Variants in SACM1L observed in about 807,000 individuals in gnomAD.
SACM1L encodes SAC1 like phosphatidylinositide phosphatase, also known as phosphatidylinositol-3-phosphatase SAC1.
A neutral mutation model predicts 89.5 loss-of-function variants in SACM1L; 32 were observed. That is an observed-to-expected ratio of 0.36 (90% CI 0.27 to 0.48). SACM1L has a LOEUF of 0.48. Ranked by LOEUF, SACM1L falls within the 20% of genes least tolerant of loss-of-function variation. The pLI is 0.99. For missense variants in SACM1L, 543 were observed against 708.5 expected (o/e 0.77, Z 2.65); for synonymous variants, 213 against 232.8 (o/e 0.92, Z 0.77).
intron 1 of SACM1L, among the ~76,000 whole-genome samples, chr3:45,692,130 G>A (rs541299202): frequency 1.2e-4 from 19 of 152,046 alleles, no homozygotes; most frequent in Non-Finnish European, 2.2e-4. Context: ...TTTACATACT[G>A]GTCACATCCA....
intron 11 of SACM1L, among the ~76,000 whole-genome samples, chr3:45,728,035 A>G (rs905994049): frequency 6.6e-6 from 1 of 152,204 alleles, no homozygotes; most frequent in African/African-American, 2.4e-5. Flanking sequence ...TCAATAAACA[A>G]TGTTCTTTTT....
intron 18 of SACM1L, 73 bp downstream of exon 18, chr3:45,738,946 AT>A (rs1361056938): frequency 1.1e-6 from 1 of 887,718 alleles, no homozygotes; most frequent in Non-Finnish European, 1.8e-6. Flanking sequence ...TTCAGTCTCA[AT>A]TTAAAACGTT....
chr3:45,713,302 C>A, intron 6 of SACM1L, 106 bp downstream of exon 6: 2 of 853,156 alleles, frequency 2.3e-6, no homozygotes, highest in Middle Eastern at 2.5e-4. Context: ...AGAAACAATT[C>A]TAATTTAACT....
intron 5 of SACM1L, among the ~76,000 whole-genome samples, chr3:45,712,217 T>A (rs1230770396): frequency 6.6e-6 from 1 of 152,136 alleles, no homozygotes; most frequent in African/African-American, 2.4e-5. Flanking sequence ...TAGAATTGAT[T>A]AATCTACTGA....
chr3:45,737,092 A>G (rs560972853), intron 14 of SACM1L, among the ~76,000 whole-genome samples: 17 of 152,230 alleles, frequency 1.1e-4, no homozygotes, highest in South Asian at 2.1e-4. Context: ...GGGATATTCT[A>G]TGTCTGTGTG....
At chr3:45,710,755 A>G (rs1698507873) in intron 5 of SACM1L, among the ~76,000 whole-genome samples, 1 of 152,140 alleles carries the variant, frequency 6.6e-6, no homozygotes, top group Non-Finnish European at 1.5e-5. Context: ...ATGTGGTTCA[A>G]CCTAAATTAA....
chr3:45,741,756 TAAA>T (rs1216001114), intron 19 of SACM1L, among the ~76,000 whole-genome samples: 1 of 152,220 alleles, frequency 6.6e-6, no homozygotes, highest in Non-Finnish European at 1.5e-5. Context: ...AGCCAGGTAG[TAAA>T]TATTTTTGTC....
intron 1 of SACM1L, among the ~76,000 whole-genome samples, chr3:45,694,689 G>A (rs548676415): frequency 2.0e-5 from 3 of 152,124 alleles, no homozygotes; most frequent in Non-Finnish European, 2.9e-5. Flanking sequence ...GATGAGCGGT[G>A]GAAATCTGCA....
intron 8 of SACM1L, among the ~76,000 whole-genome samples, chr3:45,720,073 G>A (rs1034469574): frequency 6.6e-6 from 1 of 152,024 alleles, no homozygotes; most frequent in African/African-American, 2.4e-5. Flanking sequence ...CTGTATTAAA[G>A]CTTACTGTCA....
intron 16 of SACM1L, among the ~76,000 whole-genome samples, chr3:45,738,344 T>C (rs1699246550): frequency 6.6e-6 from 1 of 152,240 alleles, no homozygotes; most frequent in Non-Finnish European, 1.5e-5. Context: ...ATATTTCTTG[T>C]CTTTGCAACT....
chr3:45,698,052 A>C (rs776958648), intron 1 of SACM1L, among the ~76,000 whole-genome samples: 1 of 152,210 alleles, frequency 6.6e-6, no homozygotes, highest in Non-Finnish European at 1.5e-5. Context: ...ATACCACTGA[A>C]TGTTTACTTA....
Position 45,737,538 on chromosome 3 carries a change from C to A in SACM1L, c.1240-45C>A, listed in dbSNP as rs1699227652. ...GCTTTTTCTTCCTAAACCATGTCTG[C>A]TAAAATCTATTACACATAAATCTGG... On this transcript the variant is annotated intron_variant, in intron 14 of 19. Transcript: ENST00000389061. 3 of 1,552,744 alleles carry A rather than the reference C, an allele frequency of 1.9e-6. No individual in the cohort carries two copies. The East Asian group carries it at 6.7e-5, about 35-fold the overall frequency.
intron 4 of SACM1L, among the ~76,000 whole-genome samples, chr3:45,708,732 A>G (rs149820965): frequency 2.1e-4 from 32 of 152,276 alleles, no homozygotes; most frequent in Non-Finnish European, 3.5e-4. Flanking sequence ...TGTGTAGCTA[A>G]TTTTAAAAAC....
chr3:45,731,564 T>C (rs1236859149), intron 12 of SACM1L, among the ~76,000 whole-genome samples, 184 bp downstream of exon 12: 2 of 152,238 alleles, frequency 1.3e-5, no homozygotes, highest in African/African-American at 4.8e-5. Flanking sequence ...AATAACTTCT[T>C]TTCAGTCAAG....
chr3:45,737,764 T>C lies in SACM1L; in HGVS notation c.1310-8T>C, dbSNP rs780696075. On this transcript the variant is annotated splice_polypyrimidine_tract_variant and splice_region_variant and intron_variant, in intron 15 of 19. Transcript: ENST00000389061. ...ATAATTATCAGCTGTTTTTACTTTT[T>C]TCTACAGCCTGGGCTGACAACGCAA... 13 of 1,609,296 alleles carry C rather than the reference T, an allele frequency of 8.1e-6. No homozygotes were observed. Among genetic ancestry groups the C allele is most frequent in the South Asian group, 5.5e-5 (5 of 90,382 alleles).
intron 9 of SACM1L, 43 bp from the exon 10 acceptor site, chr3:45,722,826 A>G: frequency 4.9e-6 from 7 of 1,431,408 alleles, no homozygotes; most frequent in Non-Finnish European, 6.9e-6. Context: ...GAGAAAAACA[A>G]GTATGTTTGT....
intron 7 of SACM1L, 108 bp from the exon 8 acceptor site, chr3:45,719,392 T>C: frequency 1.7e-6 from 1 of 584,254 alleles, no homozygotes; most frequent in Non-Finnish European, 2.9e-6. Context: ...TGTATACTCT[T>C]GTCATTTTTT....
intron 11 of SACM1L, among the ~76,000 whole-genome samples, chr3:45,725,948 C>A (rs548509988): frequency 2.0e-5 from 3 of 151,948 alleles, no homozygotes; most frequent in African/African-American, 4.8e-5. Flanking sequence ...CTGTATCAAT[C>A]GAGATGCTCG....
chr3:45,734,578 T>C (rs1340141140), intron 13 of SACM1L: 4 of 152,140 alleles, frequency 2.6e-5, no homozygotes, highest in African/African-American at 9.7e-5. Context: ...CACTTTAGCC[T>C]TCTGACTACA....
Sources: gnomAD v4.1 joint callset for allele counts (sites outside exome capture counted in the v4.1 genomes callset) on GRCh38, gnomAD v4.1.1 for gene constraint, MANE v1.5 for transcripts, NCBI Gene and HGNC (gene_info 2026-07-23, HGNC 2026-07-21) for gene names.